Variants in NPSR1 observed in about 807,000 individuals in gnomAD.
NPSR1 encodes neuropeptide S receptor 1.
NPSR1 carries 48 observed loss-of-function variants against 46.9 expected under a neutral mutation model. The observed-to-expected ratio is 1.02, with a 90% CI of 0.81 to 1.30. The LOEUF (loss-of-function observed/expected upper bound fraction) is 1.30, where lower values mean the gene tolerates loss of function less well. NPSR1 is among the 50% of genes most tolerant of loss of function. The probability of loss-of-function intolerance (pLI) is 0.00; values close to 1 mark genes in which losing one functional copy is unlikely to be tolerated. For synonymous variants in NPSR1, 176 were observed against 168.1 expected (o/e 1.05, Z -0.36); for missense variants, 450 against 449.5 (o/e 1.00, Z -0.01).
intron 3 of NPSR1, among the ~76,000 whole-genome samples, chr7:34,780,325 A>G (rs1159607395): frequency 6.6e-6 from 1 of 152,150 alleles, no homozygotes; most frequent in Admixed American, 6.6e-5. Context: ...GTTTCTCCCA[A>G]TTGTTAACTT....
intron 1 of NPSR1, among the ~76,000 whole-genome samples, chr7:34,682,036 C>T (rs1035825649): frequency 2.0e-5 from 3 of 152,178 alleles, no homozygotes; most frequent in Non-Finnish European, 4.4e-5. Flanking sequence ...ACATAATTAC[C>T]CTAGCCATGG....
chr7:34,710,047 T>C (rs887937381), intron 2 of NPSR1, among the ~76,000 whole-genome samples: 4 of 152,230 alleles, frequency 2.6e-5, no homozygotes, highest in African/African-American at 9.6e-5. Context: ...ACACCTATTT[T>C]GGTGCTGCAA....
intron 3 of NPSR1, among the ~76,000 whole-genome samples, chr7:34,793,400 C>A (rs1342007546): frequency 6.6e-6 from 1 of 151,976 alleles, no homozygotes; most frequent in Admixed American, 6.6e-5. Context: ...GGCAAATGAC[C>A]TGAATAGACA....
At chr7:34,684,370 G>T (rs1467876422) in intron 1 of NPSR1, among the ~76,000 whole-genome samples, 182 bp from the exon 2 acceptor site, 1 of 152,158 alleles carries the variant, frequency 6.6e-6, no homozygotes, top group Non-Finnish European at 1.5e-5. Context: ...TTTAAAAGGT[G>T]CATTAATTTA....
chr7:34,849,900 T>G lies in NPSR1; in HGVS notation c.*245T>G. On this transcript the variant is annotated 3_prime_UTR_variant, in exon 9 of 9. Transcript: ENST00000360581. ...CCTTCCCCACCATTCCCAGCCCTCC[T>G]TCCCACTGGCCAGCACCTGAACCCA... 3 of 1,268,090 alleles carry G rather than the reference T, an allele frequency of 2.4e-6. No homozygotes were observed. The highest frequency in any genetic ancestry group is 1.5e-5 in the African/African-American group (1 of 65,804). 78.6% of individuals were successfully genotyped at this position (1,268,090 alleles called of 1,614,324 possible).
chr7:34,752,458 G>A (rs1785588078), intron 2 of NPSR1, among the ~76,000 whole-genome samples: 1 of 152,124 alleles, frequency 6.6e-6, no homozygotes, highest in African/African-American at 2.4e-5. Context: ...TTGTTATTTT[G>A]TCATGCCTTA....
At chr7:34,689,635 GA>G (rs1468675065) in intron 2 of NPSR1, among the ~76,000 whole-genome samples, 1 of 63,798 alleles carries the variant, frequency 1.6e-5, no homozygotes, top group Non-Finnish European at 3.3e-5. Context: ...AAAAAAAAAA[GA>G]AAAGAAAAGA....
intron 8 of NPSR1, among the ~76,000 whole-genome samples, chr7:34,857,027 T>G (rs1791066212): frequency 6.6e-6 from 1 of 151,770 alleles, no homozygotes; most frequent in South Asian, 2.1e-4. Context: ...CTGCATTCGT[T>G]ATTTACAATA....
rs541244708 is a variant in NPSR1, at chr7:34,702,645, C to T, written c.280+17961C>T. Among the ~76,000 whole-genome samples, 11 of 152,230 alleles carry T rather than the reference C, an allele frequency of 7.2e-5. No individual in the cohort carries two copies. In the South Asian group the frequency reaches 1.7e-3, roughly 23 times the overall value. ...TGCAGTGATCCATTGGATGATTGTC[C>T]CATTATGTAGATAAGTTCCTATTGC... On this transcript the variant is annotated intron_variant, in intron 2 of 8. Coordinates refer to ENST00000360581, the MANE Select transcript of NPSR1 (RefSeq NM_207172.2).
chr7:34,866,812 T>A lies in NPSR1; in HGVS notation c.1026-11264T>A, dbSNP rs1173266266. Among the ~76,000 whole-genome samples, 2 of 151,720 alleles carry A rather than the reference T, an allele frequency of 1.3e-5. 1 individual carries two copies. The highest frequency in any genetic ancestry group is 4.9e-5 in the African/African-American group (2 of 41,014). On this transcript the variant is annotated intron_variant, in intron 8 of 8. Coordinates refer to the NPSR1 transcript ENST00000359791. ...TTAGGTTACTATGAGATTTGGAGGT[T>A]ACAGTTAGAAAAAAAAGTTTCCTGC... is the stretch of plus-strand genomic sequence containing the variant.
At chr7:34,766,203 G>A (rs1332628513) in intron 2 of NPSR1, among the ~76,000 whole-genome samples, 1 of 152,204 alleles carries the variant, frequency 6.6e-6, no homozygotes, top group Non-Finnish European at 1.5e-5. Context: ...AGTCCTGAGT[G>A]CTAGAAAGTG....
intron 3 of NPSR1, among the ~76,000 whole-genome samples, chr7:34,789,128 G>C (rs144288842): frequency 5.8e-4 from 88 of 151,898 alleles, no homozygotes; most frequent in African/African-American, 2.0e-3. Context: ...TCATAACAAA[G>C]CTTATGGGAT....
At chr7:34,802,262 A>G (rs1788458956) in intron 3 of NPSR1, among the ~76,000 whole-genome samples, 1 of 150,414 alleles carries the variant, frequency 6.6e-6, no homozygotes. Context: ...CGCGAAGTCA[A>G]TCCTAAGCCA....
At chr7:34,725,350 A>G (rs936635249) in intron 2 of NPSR1, among the ~76,000 whole-genome samples, 1 of 152,204 alleles carries the variant, frequency 6.6e-6, no homozygotes, top group Non-Finnish European at 1.5e-5. Flanking sequence ...ACTATGTCCC[A>G]TCAACTGTCC....
At chr7:34,765,312 CCAAA>C (rs1171016739) in intron 2 of NPSR1, among the ~76,000 whole-genome samples, 3 of 152,150 alleles carry the variant, frequency 2.0e-5, no homozygotes, top group Admixed American at 6.5e-5. Context: ...ATCAACAGAA[CCAAA>C]CAGAGACATG....
chr7:34,851,305 CTTTT>C (rs11337710), downstream of NPSR1, among the ~76,000 whole-genome samples: 1 of 135,898 alleles, frequency 7.4e-6, no homozygotes. Flanking sequence ...GTCATGTGGG[CTTTT>C]TTTTTTTTTT....
At chr7:34,705,417 A>G (rs573777052) in intron 2 of NPSR1, among the ~76,000 whole-genome samples, 3 of 147,638 alleles carry the variant, frequency 2.0e-5, no homozygotes, top group African/African-American at 7.6e-5. Flanking sequence ...CCTGGGCAGC[A>G]GAATGAGACT....
chr7:34,834,303 G>C (rs1450352723), intron 5 of NPSR1, 81 bp from the exon 6 acceptor site: 1 of 983,234 alleles, frequency 1.0e-6, no homozygotes, highest in African/African-American at 1.6e-5. Context: ...TTGCACTCGG[G>C]GAGGTGGGAG....
chr7:34,813,079 A>G (rs1327411674), intron 4 of NPSR1, among the ~76,000 whole-genome samples: 1 of 152,186 alleles, frequency 6.6e-6, no homozygotes, highest in Non-Finnish European at 1.5e-5. Flanking sequence ...ACTTCTTGGT[A>G]TCTGCTCTGG....
Sources: gnomAD v4.1 joint callset for allele counts (sites outside exome capture counted in the v4.1 genomes callset) on GRCh38, gnomAD v4.1.1 for gene constraint, MANE v1.5 for transcripts, NCBI Gene and HGNC (gene_info 2026-07-23, HGNC 2026-07-21) for gene names.